TTC28: variants seen among roughly 807,000 people sequenced by gnomAD.
TTC28 encodes the protein tetratricopeptide repeat domain 28, also known as tetratricopeptide repeat protein 28.
Under a neutral mutation model 198.0 loss-of-function variants are expected in TTC28, and 61 were observed. The ratio of observed to expected loss-of-function variants is 0.31; its 90% CI spans 0.25 to 0.38. The LOEUF (loss-of-function observed/expected upper bound fraction) is 0.38, where lower values mean the gene tolerates loss of function less well. Ranked by LOEUF, TTC28 falls within the 10% of genes least tolerant of loss-of-function variation. TTC28 has a pLI of 1.00. For missense variants in TTC28, 2,678 were observed against 3,164.0 expected, an observed-to-expected ratio of 0.85 and a Z score of 3.69; for synonymous variants, 1,171 against 1,297.8, an observed-to-expected ratio of 0.90 and a Z score of 2.10.
chr22:28,544,072 T>C (rs2049482713), intron 2 of TTC28, among the ~76,000 whole-genome samples: 1 of 151,836 alleles, frequency 6.6e-6, no homozygotes, highest in African/African-American at 2.4e-5. Flanking sequence ...AATACAAAAA[T>C]TAGCCAGGCG....
At chr22:28,294,471 G>A (rs956546659) in intron 5 of TTC28, among the ~76,000 whole-genome samples, 51 of 151,854 alleles carry the variant, frequency 3.4e-4, no homozygotes, top group Non-Finnish European at 5.1e-4. Flanking sequence ...TTATGATTCA[G>A]ATATCTTAAA....
At chr22:28,267,712 CAT>C (rs1176564495) in intron 5 of TTC28, among the ~76,000 whole-genome samples, 6 of 152,152 alleles carry the variant, frequency 3.9e-5, no homozygotes, top group Admixed American at 3.9e-4. Flanking sequence ...AATCAACACA[CAT>C]GAATTAAACC....
At chr22:28,119,774 C>A (rs1426232903) in intron 6 of TTC28, among the ~76,000 whole-genome samples, 1 of 152,192 alleles carries the variant, frequency 6.6e-6, no homozygotes, top group Non-Finnish European at 1.5e-5. Flanking sequence ...TACACTCTGG[C>A]ACTACTAATT....
chr22:28,016,474 A>C (rs957986203), intron 13 of TTC28, among the ~76,000 whole-genome samples: 15 of 152,248 alleles, frequency 9.9e-5, no homozygotes, highest in Non-Finnish European at 1.8e-4. Context: ...TCCAGACAGC[A>C]GATGGGCAGC....
intron 2 of TTC28, among the ~76,000 whole-genome samples, chr22:28,450,081 G>C (rs2047757903): frequency 1.3e-5 from 2 of 152,104 alleles, no homozygotes; most frequent in South Asian, 2.1e-4. Flanking sequence ...TATGATTACA[G>C]TTAAGGATAT....
chr22:28,301,368 C>T (rs1231952486), intron 3 of TTC28, among the ~76,000 whole-genome samples: 1 of 152,156 alleles, frequency 6.6e-6, no homozygotes, highest in Non-Finnish European at 1.5e-5. Context: ...AATGTCAAAC[C>T]AACTCCATAA....
At chr22:28,147,875 A>G (rs1366954107) in intron 6 of TTC28, among the ~76,000 whole-genome samples, 1 of 152,198 alleles carries the variant, frequency 6.6e-6, no homozygotes, top group East Asian at 1.9e-4. Context: ...TATATTCTCA[A>G]TGGAAGCTGT....
At chr22:28,598,738 GAAAC>G (rs2050586620) in intron 2 of TTC28, among the ~76,000 whole-genome samples, 1 of 152,176 alleles carries the variant, frequency 6.6e-6, no homozygotes, top group East Asian at 1.9e-4. Context: ...TGGGGTATAG[GAAAC>G]AAACTCTCTT....
intron 12 of TTC28, among the ~76,000 whole-genome samples, chr22:28,077,136 A>G (rs1941195944): frequency 6.6e-6 from 1 of 151,918 alleles, no homozygotes; most frequent in African/African-American, 2.4e-5. Flanking sequence ...TTAGGATTGC[A>G]CCTCTATTTA....
chr22:28,214,926 T>G (rs1410431086), intron 5 of TTC28, among the ~76,000 whole-genome samples: 6 of 152,162 alleles, frequency 3.9e-5, no homozygotes. Flanking sequence ...ATGTGGCACA[T>G]ATATACCATG....
chr22:28,217,777 A>G (rs79581377), intron 5 of TTC28, among the ~76,000 whole-genome samples: 2,369 of 152,334 alleles, frequency 0.016, 81 homozygotes, highest in African/African-American at 0.055. Flanking sequence ...TGTTTAATGT[A>G]TAAGACATTA....
At position 27,989,874 on chromosome 22, in the gene TTC28, C is replaced by T. The variant is rs1044921821; in HGVS notation, c.5707+4G>A. 4 of 1,548,474 alleles carry T rather than the reference C, an allele frequency of 2.6e-6. No homozygotes were observed. The highest frequency in any genetic ancestry group is 2.6e-6 in the Non-Finnish European group (3 of 1,144,814). ...CCCATTTAAGTCAAGGATTCTCTGC[C>T]TACCTAGAGCTGCCAGGAACTCGTG... is the stretch of plus-strand genomic sequence containing the variant. On this transcript the variant is annotated splice_donor_region_variant and intron_variant, in intron 21 of 22. Transcript: ENST00000397906.
chr22:27,996,347 G>T, intron 16 of TTC28, 88 bp from the exon 17 acceptor site: 1 of 1,495,178 alleles, frequency 6.7e-7, no homozygotes, highest in East Asian at 2.5e-5. Context: ...ACGCCTCGAG[G>T]TTAACCCAGC....
At chr22:28,473,402 G>A (rs1405223127) in intron 2 of TTC28, among the ~76,000 whole-genome samples, 1 of 152,102 alleles carries the variant, frequency 6.6e-6, no homozygotes, top group Non-Finnish European at 1.5e-5. Flanking sequence ...AGCTAAAACA[G>A]GGAAGAGGCA....
intron 2 of TTC28, among the ~76,000 whole-genome samples, chr22:28,309,322 G>C (rs2045207753): frequency 6.6e-6 from 1 of 152,074 alleles, no homozygotes; most frequent in Admixed American, 6.6e-5. Context: ...TTCCATAAAA[G>C]ACTATGAGCA....
chr22:28,288,252 G>A (rs560046516), intron 5 of TTC28, among the ~76,000 whole-genome samples: 6 of 152,182 alleles, frequency 3.9e-5, no homozygotes, highest in Non-Finnish European at 7.4e-5. Context: ...TCCGATGTGT[G>A]TTTCCATATA....
chr22:28,178,204 C>T (rs1923352347), intron 5 of TTC28, among the ~76,000 whole-genome samples: 1 of 151,520 alleles, frequency 6.6e-6, no homozygotes, highest in African/African-American at 2.4e-5. Flanking sequence ...CCTGTAATCC[C>T]AGCACTTTGG....
chr22:28,265,503 AT>A (rs544716563), intron 5 of TTC28, among the ~76,000 whole-genome samples: 186 of 152,274 alleles, frequency 1.2e-3, no homozygotes, highest in African/African-American at 4.4e-3. Context: ...GACTATAAGG[AT>A]TAGAGGAGAT....
chr22:28,405,800 G>A (rs569588796), intron 2 of TTC28, among the ~76,000 whole-genome samples: 1 of 152,310 alleles, frequency 6.6e-6, no homozygotes, highest in African/African-American at 2.4e-5. Flanking sequence ...GTTTACCATT[G>A]CCATGGTAAT....
Sources: allele counts gnomAD v4.1 joint callset (sites outside exome capture counted in the v4.1 genomes callset), GRCh38; gene constraint gnomAD v4.1.1; transcripts MANE v1.5; gene names NCBI Gene and HGNC (gene_info 2026-07-23, HGNC 2026-07-21).